Variants in EFEMP1 observed in about 807,000 individuals in gnomAD.
The protein encoded by EFEMP1 is EGF-containing fibulin-like extracellular matrix protein 1.
EFEMP1 carries 18 observed loss-of-function variants against 65.7 expected under a neutral mutation model. That is an observed-to-expected ratio of 0.27 (90% CI 0.19 to 0.41). The LOEUF is 0.41. Among genes scored for constraint, EFEMP1 ranks in the 10% least tolerant of loss-of-function variants. EFEMP1 has a pLI of 1.00. For missense variants in EFEMP1, 469 were observed against 624.8 expected (o/e 0.75, Z 2.66); for synonymous variants, 237 against 219.7 (o/e 1.08, Z -0.70).
rs527769034 is a variant in EFEMP1 at position 55,885,263 on chromosome 2, A to G, written c.518-3529T>C. ...GCAGCTCACATTAGAAAATGCTGAT[A>G]AGACAAAACTGGTTTCCATGAGAAG... On this transcript the variant is annotated intron_variant, in intron 5 of 11. Coordinates refer to ENST00000355426, the MANE Select transcript of EFEMP1 (RefSeq NM_001039348.3). This position sits in a 1 kb window ranked among gnomAD's most constrained non-coding sequence, Gnocchi z 4.3. Among the ~76,000 whole-genome samples, 2 of 152,322 alleles carry G rather than the reference A, an allele frequency of 1.3e-5. No homozygotes were observed. Among genetic ancestry groups the G allele is most frequent in the South Asian group, 4.1e-4 (2 of 4,820 alleles).
intron 5 of EFEMP1, among the ~76,000 whole-genome samples, chr2:55,888,541 G>T (rs1322779705): frequency 6.6e-6 from 1 of 151,884 alleles, no homozygotes; most frequent in Non-Finnish European, 1.5e-5. Context: ...GTTTCACTAT[G>T]TTGGCCAGGC....
chr2:55,867,457 T>A lies in EFEMP1; in HGVS notation c.1321-223A>T, dbSNP rs201294455. On this transcript the variant is annotated intron_variant, in intron 11 of 11. Coordinates refer to ENST00000355426, the MANE Select transcript of EFEMP1 (RefSeq NM_001039348.3). This position sits in a 1 kb window ranked among gnomAD's most constrained non-coding sequence, Gnocchi z 4.3. ...TCAAGGACTTGCTTTTTTTTTTTTTTAAATAGTTCTTTGTTTTTGATTCCT... is the reference window on the plus strand; with the variant it reads ...TCAAGGACTTGCTTTTTTTTTTTTTAAAATAGTTCTTTGTTTTTGATTCCT... Among the ~76,000 whole-genome samples, 2 of 149,028 alleles carry A rather than the reference T, an allele frequency of 1.3e-5. No homozygotes were observed. Among genetic ancestry groups the A allele is most frequent in the African/African-American group, 5.0e-5 (2 of 40,032 alleles).
chr2:55,922,950 A>G lies in EFEMP1; in HGVS notation c.-48-11T>C, dbSNP rs756771902. 4.0e-5 allele frequency: 41 copies of G among 1,018,420 alleles called. No individual in the cohort carries two copies. Among genetic ancestry groups the G allele is most frequent in the Non-Finnish European group, 4.5e-5 (38 of 848,966 alleles). 63.1% of individuals were successfully genotyped at this position (1,018,420 alleles called of 1,614,324 possible). On this transcript the variant is annotated splice_polypyrimidine_tract_variant and intron_variant, in intron 1 of 11. Coordinates refer to ENST00000355426, the MANE Select transcript of EFEMP1 (RefSeq NM_001039348.3). This position sits in a 1 kb window ranked among gnomAD's most constrained non-coding sequence, Gnocchi z 5.5. ...GCACAGCAAAAATACCTGTGAGCCA[A>G]TATGAATTGCCTTGGCCTCAAGCTT...
Position 55,918,250 on chromosome 2 carries a change from A to G in EFEMP1, c.99T>C (p.Tyr33=). The part of the protein sequence containing the change: ...TITYTQCTDG[Y]EWDPVRQQCK... ...ATTGCTGTCTCACAGGATCCCACTC[A>G]TATCCGTCAGTGCATTGCTGTGAAG... Residue 33 remains tyrosine, a synonymous_variant, in exon 4 of 12, where the codon TAT becomes TAC. Coordinates refer to ENST00000355426, the MANE Select transcript of EFEMP1 (RefSeq NM_001039348.3). 1.2e-6 allele frequency: 2 copies of G among 1,614,216 alleles called. No homozygotes were observed. The highest frequency in any genetic ancestry group is 1.7e-6 in the Non-Finnish European group (2 of 1,180,040).
chr2:55,918,588 G>T (rs1670797599), intron 3 of EFEMP1, among the ~76,000 whole-genome samples: 1 of 147,812 alleles, frequency 6.8e-6, no homozygotes, highest in African/African-American at 2.5e-5. Flanking sequence ...TTATTAATTT[G>T]CCTTTTTTCC....
intron 5 of EFEMP1, among the ~76,000 whole-genome samples, chr2:55,889,943 G>C (rs1669573166): frequency 6.6e-6 from 1 of 152,052 alleles, no homozygotes; most frequent in Non-Finnish European, 1.5e-5. Context: ...CAGGACAAAT[G>C]AAAAGCAAAT....
chr2:55,902,072 A>G (rs1670059595), intron 5 of EFEMP1, among the ~76,000 whole-genome samples: 1 of 152,228 alleles, frequency 6.6e-6, no homozygotes, highest in African/African-American at 2.4e-5. Flanking sequence ...TCAGAGACCC[A>G]AAGTCAGAGG....
Position 55,886,644 on chromosome 2 carries a change from C to T in EFEMP1, c.518-4910G>A, listed in dbSNP as rs912172656. Among the ~76,000 whole-genome samples, 1 of 152,144 alleles carries T rather than the reference C, an allele frequency of 6.6e-6. No homozygotes were observed. Among genetic ancestry groups the T allele is most frequent in the African/African-American group, 2.4e-5 (1 of 41,428 alleles). On this transcript the variant is annotated intron_variant, in intron 5 of 11. Transcript: ENST00000355426. The surrounding 1 kb of genome is among the most constrained non-coding windows in gnomAD (Gnocchi z 4.0). ...CAACATTCTTAATGATTTAGATACC[C>T]ACCTGCTCAAAATGATTGCTCCCAA...
Position 55,917,057 on chromosome 2 carries a change from G to A in EFEMP1, c.517+608C>T, listed in dbSNP as rs1200711358. 6.6e-6 allele frequency among the ~76,000 whole-genome samples: 1 copy of A among 152,174 alleles called. No homozygotes were observed. The highest frequency in any genetic ancestry group is 1.5e-5 in the Non-Finnish European group (1 of 68,034). ...GGGGAGAATCCCTCCAAGGTAATGA[G>A]AAGCAGGAGCCCCATTTCTTTACTC... On this transcript the variant is annotated intron_variant, in intron 5 of 11. Coordinates refer to ENST00000355426, the MANE Select transcript of EFEMP1 (RefSeq NM_001039348.3). The surrounding 1 kb of genome is among the most constrained non-coding windows in gnomAD (Gnocchi z 6.3).
intron 5 of EFEMP1, among the ~76,000 whole-genome samples, chr2:55,899,986 C>G (rs1669971917): frequency 6.6e-6 from 1 of 151,918 alleles, no homozygotes; most frequent in Non-Finnish European, 1.5e-5. Context: ...CCTAAAGAAA[C>G]CTACATGGCC....
rs1214822327 is a variant in EFEMP1, at chr2:55,922,479, A to G, written c.-7-32T>C. On this transcript the variant is annotated intron_variant, in intron 2 of 11. Coordinates refer to ENST00000355426, the MANE Select transcript of EFEMP1 (RefSeq NM_001039348.3). This position sits in a 1 kb window ranked among gnomAD's most constrained non-coding sequence, Gnocchi z 5.5. ...GAAAATACAGGACAAACTAATGTTT[A>G]GTATCTGCTGCGGGGAAAGTAACAA... The G allele has an allele frequency of 1.9e-6, 3 of 1,591,810 alleles. No homozygotes were observed. The highest frequency in any genetic ancestry group is 1.3e-5 in the African/African-American group (1 of 74,572).
At chr2:55,890,804 G>A (rs1669601291) in intron 5 of EFEMP1, among the ~76,000 whole-genome samples, 2 of 151,908 alleles carry the variant, frequency 1.3e-5, no homozygotes, top group Admixed American at 1.3e-4. Context: ...CCATAAGAAG[G>A]CCCATAGCCC....
At position 55,883,362 on chromosome 2, in the gene EFEMP1, C is replaced by T. The variant is rs1311415605; in HGVS notation, c.518-1628G>A. Among the ~76,000 whole-genome samples, 1 of 152,132 alleles carries T rather than the reference C, an allele frequency of 6.6e-6. No homozygotes were observed. Among genetic ancestry groups the T allele is most frequent in the Admixed American group, 6.6e-5 (1 of 15,266 alleles). On this transcript the variant is annotated intron_variant, in intron 5 of 11. Transcript: ENST00000355426. The surrounding 1 kb of genome is among the most constrained non-coding windows in gnomAD (Gnocchi z 4.5). ...TGCAACAATCCTGCTTTGAAATTAT[C>T]TGCTGTTTTTTGTGTCTTTTATTAT...
intron 5 of EFEMP1, among the ~76,000 whole-genome samples, chr2:55,907,278 C>T (rs936296392): frequency 2.0e-5 from 3 of 152,144 alleles, no homozygotes; most frequent in African/African-American, 7.2e-5. Context: ...TAGGCATGTA[C>T]TTGAATAGGT....
In EFEMP1 at chr2:55,920,000, C is replaced by G. The variant is rs1211177024; in HGVS notation, c.82-1733G>C. 6.6e-6 allele frequency among the ~76,000 whole-genome samples: 1 copy of G among 152,212 alleles called. No individual in the cohort carries two copies. Among genetic ancestry groups the G allele is most frequent in the Non-Finnish European group, 1.5e-5 (1 of 68,052 alleles). On this transcript the variant is annotated intron_variant, in intron 3 of 11. Coordinates refer to ENST00000355426, the MANE Select transcript of EFEMP1 (RefSeq NM_001039348.3). The surrounding 1 kb of genome is among the most constrained non-coding windows in gnomAD (Gnocchi z 4.5). ...CAGACCCCATGATCTTTCTTGTGCT[C>G]TTGGTTATGTTGCTCCTCTCTCTGA...
intron 5 of EFEMP1, among the ~76,000 whole-genome samples, chr2:55,914,975 A>G (rs1487952642): frequency 6.6e-6 from 1 of 152,236 alleles, no homozygotes; most frequent in East Asian, 1.9e-4. Context: ...AATTAGAAGA[A>G]GCTGGACTGC....
Position 55,871,059 on chromosome 2 carries a change from G to A in EFEMP1, c.1065C>T (p.Gly355=), listed in dbSNP as rs1668789565. The change falls in exon 10 of 12, where the codon GGC becomes GGT. Residue 355 remains glycine (G), a synonymous_variant. Transcript: ENST00000355426. The surrounding 1 kb of genome is among the most constrained non-coding windows in gnomAD (Gnocchi z 4.2). ...GATTTCGTGGATAACAACGGAAGCC[G>A]CCATGATAATTCCAACACATTTCAT... ...REDEMCWNYH[G]GFRCYPRNPC... The A allele has an allele frequency of 3.7e-6, 6 of 1,613,674 alleles. No homozygotes were observed. The highest frequency in any genetic ancestry group is 4.2e-6 in the Non-Finnish European group (5 of 1,179,780).
In EFEMP1 at chr2:55,919,789, A is replaced by G. The variant is rs1020278222; in HGVS notation, c.82-1522T>C. ...CAGACTAATTTTTTTCTTGTTTCCC[A>G]AACAGTGTTAAAGGTACCACTACCT... On this transcript the variant is annotated intron_variant, in intron 3 of 11. Coordinates refer to ENST00000355426, the MANE Select transcript of EFEMP1 (RefSeq NM_001039348.3). The surrounding 1 kb of genome is among the most constrained non-coding windows in gnomAD (Gnocchi z 4.5). Among the ~76,000 whole-genome samples, 2 of 152,184 alleles carry G rather than the reference A, an allele frequency of 1.3e-5. No homozygotes were observed. Among genetic ancestry groups the G allele is most frequent in the Non-Finnish European group, 2.9e-5 (2 of 68,024 alleles).
intron 7 of EFEMP1, 25 bp from the exon 8 acceptor site, chr2:55,876,767 T>TAC: frequency 7.8e-7 from 1 of 1,284,552 alleles, no homozygotes; most frequent in Non-Finnish European, 1.1e-6. Context: ...TATATATATA[T>TAC]ATATGTATAT....
Sources: allele counts gnomAD v4.1 joint callset (sites outside exome capture counted in the v4.1 genomes callset), GRCh38; gene constraint gnomAD v4.1.1; non-coding constraint Gnocchi (gnomAD v3.1); transcripts MANE v1.5; gene names NCBI Gene and HGNC (gene_info 2026-07-23, HGNC 2026-07-21).